SMYD3: variants seen among roughly 807,000 people sequenced by gnomAD.
SMYD3 encodes the protein histone-lysine N-methyltransferase SMYD3.
In SMYD3, 36 loss-of-function variants were observed where a neutral mutation model predicts 57.7. That is an observed-to-expected ratio of 0.62 (90% CI 0.48 to 0.82). The LOEUF (loss-of-function observed/expected upper bound fraction) is 0.82, where lower values mean the gene tolerates loss of function less well. SMYD3 is among the 40% of genes least tolerant of loss of function. The pLI is 0.00. For missense variants in SMYD3, 515 were observed against 538.8 expected (o/e 0.96, Z 0.44); for synonymous variants, 211 against 195.0 (o/e 1.08, Z -0.68).
At chr1:245,765,037 G>T (rs2046012108) in intron 10 of SMYD3, among the ~76,000 whole-genome samples, 1 of 130,188 alleles carries the variant, frequency 7.7e-6, no homozygotes, top group South Asian at 2.4e-4. Context: ...GTCTCTGGTG[G>T]AAATGCCTAC....
chr1:245,936,453 T>C (rs944427870), intron 5 of SMYD3, among the ~76,000 whole-genome samples: 10 of 152,148 alleles, frequency 6.6e-5, no homozygotes, highest in African/African-American at 2.4e-4. Context: ...AAACCTTTCT[T>C]GTCTTATAAT....
intron 5 of SMYD3, among the ~76,000 whole-genome samples, chr1:246,308,075 G>A (rs556259281): frequency 1.2e-4 from 18 of 152,110 alleles, no homozygotes; most frequent in Non-Finnish European, 2.4e-4. Flanking sequence ...CACCATTATC[G>A]CAGTCTGCTG....
intron 5 of SMYD3, among the ~76,000 whole-genome samples, chr1:246,070,070 C>T (rs1048732585): frequency 2.0e-5 from 3 of 152,078 alleles, no homozygotes; most frequent in East Asian, 3.9e-4. Flanking sequence ...TTGCCCTGCC[C>T]GTCCTAGACT....
rs1558442910 is a variant in SMYD3 at position 246,395,688 on chromosome 1, C to CCCACCATGGTCAGACAGGGAAGAG, written c.165-40595_165-40594insCTCTTCCCTGTCTGACCATGGTGG. 7.1e-5 allele frequency among the ~76,000 whole-genome samples: 5 copies of CCCACCATGGTCAGACAGGGAAGAG among 70,354 alleles called. 1 individual carries two copies. The highest frequency in any genetic ancestry group is 2.4e-4 in the African/African-American group (4 of 16,410). The allele number at this position is 70,354 out of a possible 152,430, so 46.2% of individuals were successfully genotyped here. ...ACCCACCACAGTCAGACAGGGAAGA[C>CCCACCATGGTCAGACAGGGAAGAG]GAACCCACCATGGCTGGACAGGGAA... On this transcript the variant is annotated intron_variant, in intron 1 of 11. Coordinates refer to ENST00000490107, the MANE Select transcript of SMYD3 (RefSeq NM_001167740.2).
chr1:246,205,830 A>C (rs2062991820), intron 5 of SMYD3, among the ~76,000 whole-genome samples: 1 of 151,852 alleles, frequency 6.6e-6, no homozygotes, highest in Non-Finnish European at 1.5e-5. Context: ...AAAAACAACA[A>C]AGACAACAAC....
At chr1:245,994,097 TCTTTTCATTGCA>T (rs1057458983) in intron 5 of SMYD3, among the ~76,000 whole-genome samples, 14 of 152,218 alleles carry the variant, frequency 9.2e-5, no homozygotes, top group African/African-American at 3.4e-4. Flanking sequence ...TCTCTCAACT[TCTTTTCATTGCA>T]CTTTTCATTA....
chr1:246,347,431 C>G (rs2065740939), intron 2 of SMYD3, among the ~76,000 whole-genome samples: 1 of 152,080 alleles, frequency 6.6e-6, no homozygotes, highest in Non-Finnish European at 1.5e-5. Context: ...CTGAGAGAAG[C>G]CAGATTTTTA....
At chr1:246,287,697 C>T (rs1414417161) in intron 5 of SMYD3, among the ~76,000 whole-genome samples, 1 of 152,024 alleles carries the variant, frequency 6.6e-6, no homozygotes, top group Non-Finnish European at 1.5e-5. Flanking sequence ...CTGTTTTGGC[C>T]AGGGGCATCC....
chr1:245,830,720 C>T (rs112950039), intron 10 of SMYD3, among the ~76,000 whole-genome samples: 2,309 of 152,286 alleles, frequency 0.015, 69 homozygotes, highest in African/African-American at 0.052. Context: ...TGGCAACACC[C>T]ACCCACTAAT....
At chr1:246,450,362 A>C (rs1159218120) in intron 1 of SMYD3, among the ~76,000 whole-genome samples, 5 of 152,028 alleles carry the variant, frequency 3.3e-5, no homozygotes, top group Admixed American at 3.3e-4. Context: ...TCAACTGATA[A>C]ATAACTCAAT....
intron 10 of SMYD3, among the ~76,000 whole-genome samples, chr1:245,793,299 C>T (rs1448909555): frequency 6.7e-6 from 1 of 150,056 alleles, no homozygotes; most frequent in Non-Finnish European, 1.5e-5. Flanking sequence ...AGACTCCGTC[C>T]CAAAAAAAAA....
intron 5 of SMYD3, among the ~76,000 whole-genome samples, chr1:246,071,153 G>A (rs563977610): frequency 3.0e-4 from 45 of 152,252 alleles, no homozygotes; most frequent in East Asian, 2.1e-3. Context: ...TCTAAGATGT[G>A]TAAGTAAGTA....
At chr1:246,116,201 G>GACACACACACACACACACAC (rs56722969) in intron 5 of SMYD3, among the ~76,000 whole-genome samples, 2 of 145,922 alleles carry the variant, frequency 1.4e-5, no homozygotes, top group South Asian at 2.3e-4. Flanking sequence ...CCCTGAGATG[G>GACACACACACACACACACAC]ACACACACAC....
chr1:246,424,646 A>G (rs536021010), intron 1 of SMYD3, among the ~76,000 whole-genome samples: 45 of 152,348 alleles, frequency 3.0e-4, no homozygotes, highest in African/African-American at 1.1e-3. Flanking sequence ...ATAGCTGTGT[A>G]TGATTTTCAA....
At chr1:245,940,605 C>T (rs2057200353) in intron 5 of SMYD3, among the ~76,000 whole-genome samples, 1 of 150,440 alleles carries the variant, frequency 6.6e-6, no homozygotes, top group South Asian at 2.1e-4. Context: ...CAGAAAGCAC[C>T]ACTACCACCG....
At chr1:246,057,444 T>C (rs2485914) in intron 5 of SMYD3, among the ~76,000 whole-genome samples, 21,861 of 152,214 alleles carry the variant, frequency 0.14, 1,799 homozygotes, top group East Asian at 0.4. Flanking sequence ...TCCTCAAATA[T>C]AGTTTTTGCA....
chr1:246,305,067 T>C (rs1572358666), intron 5 of SMYD3, among the ~76,000 whole-genome samples: 3 of 152,312 alleles, frequency 2.0e-5, no homozygotes, highest in Admixed American at 1.3e-4. Context: ...GGAGCATGTG[T>C]TACTTTACAA....
At chr1:245,871,630 G>C (rs1413452698) in intron 8 of SMYD3, among the ~76,000 whole-genome samples, 1 of 152,188 alleles carries the variant, frequency 6.6e-6, no homozygotes, top group African/African-American at 2.4e-5. Context: ...CGGGCTTGGA[G>C]CCATAAGATG....
intron 5 of SMYD3, among the ~76,000 whole-genome samples, chr1:246,170,429 AT>A (rs1218722788): frequency 1.7e-5 from 2 of 118,688 alleles, no homozygotes; most frequent in South Asian, 2.5e-4. Flanking sequence ...TTTTTTTGCT[AT>A]TAAAAAAAAG....
Sources: gnomAD v4.1 joint callset for allele counts (sites outside exome capture counted in the v4.1 genomes callset) on GRCh38, gnomAD v4.1.1 for gene constraint, MANE v1.5 for transcripts, NCBI Gene and HGNC (gene_info 2026-07-23, HGNC 2026-07-21) for gene names.